SPOCK3: variants seen among roughly 807,000 people sequenced by gnomAD.
SPOCK3 encodes the protein testican-3.
In SPOCK3, 30 loss-of-function variants were observed where a neutral mutation model predicts 56.6. The ratio of observed to expected loss-of-function variants is 0.53; its 90% CI spans 0.40 to 0.72. The LOEUF is 0.72. Ranked by LOEUF, SPOCK3 falls within the 30% of genes least tolerant of loss-of-function variation. The pLI is 0.00. For synonymous variants in SPOCK3, 196 were observed against 183.3 expected, an observed-to-expected ratio of 1.07 and a Z score of -0.56; for missense variants, 527 against 530.0, an observed-to-expected ratio of 0.99 and a Z score of 0.06.
intron 2 of SPOCK3, among the ~76,000 whole-genome samples, chr4:167,117,338 C>A (rs1761511766): frequency 6.6e-6 from 1 of 152,070 alleles, no homozygotes. Context: ...AAAATGTGTT[C>A]TGACCTGCCT....
At chr4:167,120,824 G>T (rs955101452) in intron 2 of SPOCK3, among the ~76,000 whole-genome samples, 6 of 151,830 alleles carry the variant, frequency 4.0e-5, no homozygotes, top group Admixed American at 1.3e-4. Context: ...TTTTAGAAAG[G>T]TTATTTTAAA....
chr4:166,824,757 C>T (rs1745287473), intron 6 of SPOCK3, among the ~76,000 whole-genome samples: 1 of 152,024 alleles, frequency 6.6e-6, no homozygotes, highest in African/African-American at 2.4e-5. Flanking sequence ...ACAGTGTTAA[C>T]TAAATTTATC....
At chr4:166,963,690 ATGT>A (rs1411656856) in intron 4 of SPOCK3, among the ~76,000 whole-genome samples, 1 of 151,968 alleles carries the variant, frequency 6.6e-6, no homozygotes, top group Non-Finnish European at 1.5e-5. Context: ...TGCACACAAA[ATGT>A]TGTTGACTTC....
intron 2 of SPOCK3, among the ~76,000 whole-genome samples, chr4:167,152,526 A>G (rs1389808338): frequency 1.3e-5 from 2 of 152,336 alleles, no homozygotes; most frequent in East Asian, 3.9e-4. Flanking sequence ...CATAACAGAT[A>G]TCTGACACAT....
intron 2 of SPOCK3, among the ~76,000 whole-genome samples, chr4:167,125,218 T>TATTTA (rs1762171079): frequency 6.7e-6 from 1 of 148,230 alleles, no homozygotes; most frequent in South Asian, 2.1e-4. Context: ...TTTATTTATT[T>TATTTA]ATTTATTTAT....
chr4:166,809,234 T>A (rs995909511), intron 6 of SPOCK3, among the ~76,000 whole-genome samples: 1 of 151,944 alleles, frequency 6.6e-6, no homozygotes, highest in Admixed American at 6.6e-5. Flanking sequence ...CATTCTTTCC[T>A]ATTTTCCTTC....
At position 166,992,116 on chromosome 4, in the gene SPOCK3, G is replaced by T. The variant is rs190343883; in HGVS notation, c.350+8233C>A. ...TCAAAACATGTTATGTTAAAACAAGGCACAAAAATATATATTAAAATATTC... is the reference window on the plus strand; with the variant it reads ...TCAAAACATGTTATGTTAAAACAAGTCACAAAAATATATATTAAAATATTC... On this transcript the variant is annotated intron_variant, in intron 4 of 10. Coordinates refer to ENST00000357545, the MANE Select transcript of SPOCK3 (RefSeq NM_001040159.2). Among the ~76,000 whole-genome samples, 78 of 152,140 alleles carry T rather than the reference G, an allele frequency of 5.1e-4. 1 individual carries two copies. The highest frequency in any genetic ancestry group is 2.4e-3 in the Admixed American group (36 of 15,276).
At chr4:166,860,389 A>G (rs1731106267) in intron 6 of SPOCK3, among the ~76,000 whole-genome samples, 1 of 152,084 alleles carries the variant, frequency 6.6e-6, no homozygotes, top group South Asian at 2.1e-4. Context: ...AATTTTTTAC[A>G]CCACTGTGAG....
chr4:166,929,774 C>T (rs1369197404), intron 4 of SPOCK3, among the ~76,000 whole-genome samples: 1 of 152,100 alleles, frequency 6.6e-6, no homozygotes, highest in Non-Finnish European at 1.5e-5. Context: ...TTCCTCTTAG[C>T]CTTTCCCCAC....
At chr4:166,892,451 G>A (rs992811822) in intron 5 of SPOCK3, among the ~76,000 whole-genome samples, 4 of 151,600 alleles carry the variant, frequency 2.6e-5, no homozygotes, top group African/African-American at 4.8e-5. Flanking sequence ...ATTTACTTAT[G>A]AATTAAAATT....
chr4:167,229,061 G>T (rs1160226751), intron 2 of SPOCK3, among the ~76,000 whole-genome samples: 4 of 152,044 alleles, frequency 2.6e-5, no homozygotes, highest in Non-Finnish European at 5.9e-5. Flanking sequence ...CAACTACAGT[G>T]AAATATAGGT....
At chr4:166,751,262 A>G (rs546263242) in intron 8 of SPOCK3, among the ~76,000 whole-genome samples, 2 of 152,250 alleles carry the variant, frequency 1.3e-5, no homozygotes, top group African/African-American at 4.8e-5. Context: ...TCCCCCATGC[A>G]CTACACTTTG....
At chr4:166,965,727 A>G (rs1744664540) in intron 4 of SPOCK3, among the ~76,000 whole-genome samples, 1 of 152,076 alleles carries the variant, frequency 6.6e-6, no homozygotes, top group Non-Finnish European at 1.5e-5. Flanking sequence ...AATATTGAGT[A>G]GCAGGTACAG....
chr4:167,080,947 C>T (rs1378170691), intron 2 of SPOCK3, among the ~76,000 whole-genome samples: 1 of 142,654 alleles, frequency 7.0e-6, no homozygotes, highest in Non-Finnish European at 1.5e-5. Flanking sequence ...ATGGCACGAT[C>T]TCGTCTCACT....
intron 3 of SPOCK3, among the ~76,000 whole-genome samples, chr4:167,000,665 A>C (rs1239998829): frequency 6.6e-6 from 1 of 152,180 alleles, no homozygotes; most frequent in Non-Finnish European, 1.5e-5. Flanking sequence ...CATCCACTCT[A>C]TTCAGAAGCT....
At chr4:166,892,012 A>T (rs2127018125) in intron 5 of SPOCK3, among the ~76,000 whole-genome samples, 1 of 152,164 alleles carries the variant, frequency 6.6e-6, no homozygotes, top group South Asian at 2.1e-4. Context: ...AGCCTGGCTA[A>T]TACTTGAATG....
intron 4 of SPOCK3, among the ~76,000 whole-genome samples, chr4:166,953,388 C>T (rs940144690): frequency 2.8e-4 from 43 of 151,790 alleles, no homozygotes; most frequent in Non-Finnish European, 5.3e-4. Flanking sequence ...CAATGAGATA[C>T]CATCTCACAC....
chr4:167,174,434 T>G (rs577222201), intron 2 of SPOCK3, among the ~76,000 whole-genome samples: 1 of 131,740 alleles, frequency 7.6e-6, no homozygotes, highest in East Asian at 2.0e-4. Flanking sequence ...CTCTAAAATT[T>G]TGAAAAAAAA....
At chr4:166,920,850 A>G (rs1337234233) in intron 4 of SPOCK3, among the ~76,000 whole-genome samples, 1 of 152,200 alleles carries the variant, frequency 6.6e-6, no homozygotes, top group African/African-American at 2.4e-5. Flanking sequence ...GAAGCCAATG[A>G]TTTTAGCTGC....
Sources: allele counts gnomAD v4.1 joint callset (sites outside exome capture counted in the v4.1 genomes callset), GRCh38; gene constraint gnomAD v4.1.1; transcripts MANE v1.5; gene names NCBI Gene and HGNC (gene_info 2026-07-23, HGNC 2026-07-21).